TBC1D16: variants seen among roughly 807,000 people sequenced by gnomAD.
TBC1D16 encodes TBC1 domain family member 16, also known as CTD-2529O21.1.
Under a neutral mutation model 74.7 loss-of-function variants are expected in TBC1D16, and 58 were observed. The observed-to-expected ratio is 0.78, with a 90% confidence interval of 0.63 to 0.97. The LOEUF (loss-of-function observed/expected upper bound fraction) is 0.97, where lower values mean the gene tolerates loss of function less well. Among genes scored for constraint, TBC1D16 ranks in the 50% least tolerant of loss-of-function variants. TBC1D16 has a pLI of 0.00. For missense variants in TBC1D16, 1,014 were observed against 1,079.5 expected (o/e 0.94, Z 0.85); for synonymous variants, 493 against 474.7 (o/e 1.04, Z -0.50).
intron 3 of TBC1D16, among the ~76,000 whole-genome samples, chr17:79,955,298 C>T (rs1332992038): frequency 6.6e-6 from 1 of 152,084 alleles, no homozygotes; most frequent in Non-Finnish European, 1.5e-5. Context: ...TCATGGAGGA[C>T]GAGGTCTGGT....
chr17:79,940,908 C>G lies in TBC1D16; in HGVS notation c.2255G>C (p.Gly752Ala), dbSNP rs187446235. Residue 752 changes from glycine (G) to alanine (A), a missense_variant, in exon 12 of 12, where the codon GGC becomes GCC. Transcript: ENST00000310924. The surrounding 1 kb of genome is among the most constrained non-coding windows in gnomAD (Gnocchi z 5.4). ...CTGCGGCGTCTTTGGGCCCTTCTTGCCTTCCCTCAGGGACTTGGGGGAAGG... is the reference window on the plus strand; with the variant it reads ...CTGCGGCGTCTTTGGGCCCTTCTTGGCTTCCCTCAGGGACTTGGGGGAAGG... ...EMPSPKSLRE[G>A]KKGPKTPQDG... 3 of 1,584,306 alleles carry G rather than the reference C, an allele frequency of 1.9e-6. No individual in the cohort carries two copies. In the African/African-American group the frequency reaches 4.0e-5, roughly 21 times the overall value.
At chr17:79,942,419 G>A (rs1044265597) in intron 10 of TBC1D16, among the ~76,000 whole-genome samples, 4 of 151,904 alleles carry the variant, frequency 2.6e-5, no homozygotes, top group African/African-American at 7.3e-5. Flanking sequence ...CCCAGTACCC[G>A]CATGCCCAGG....
At chr17:79,978,624 T>G (rs930681547) in intron 3 of TBC1D16, among the ~76,000 whole-genome samples, 11 of 152,236 alleles carry the variant, frequency 7.2e-5, no homozygotes, top group African/African-American at 2.4e-4. Flanking sequence ...ATCTCACAGC[T>G]GTTACGAGTT....
chr17:79,977,408 C>T (rs2034376191), intron 3 of TBC1D16, among the ~76,000 whole-genome samples: 1 of 152,250 alleles, frequency 6.6e-6, no homozygotes, highest in Admixed American at 6.5e-5. Flanking sequence ...TTCCCTGACG[C>T]CTCATCCCTC....
intron 3 of TBC1D16, among the ~76,000 whole-genome samples, chr17:79,984,718 A>T (rs1007641385): frequency 6.8e-6 from 1 of 148,060 alleles, no homozygotes; most frequent in Non-Finnish European, 1.5e-5. Context: ...AAAAAAAAAA[A>T]CAGTTAAAAA....
At chr17:79,972,176 C>A (rs924629891) in intron 3 of TBC1D16, among the ~76,000 whole-genome samples, 1 of 151,382 alleles carries the variant, frequency 6.6e-6, no homozygotes, top group Non-Finnish European at 1.5e-5. Flanking sequence ...GAAGGAAATT[C>A]TTTTTTTTTC....
chr17:79,945,114 T>C, intron 9 of TBC1D16, 27 bp from the exon 10 acceptor site: 1 of 1,551,470 alleles, frequency 6.4e-7, no homozygotes, highest in South Asian at 1.2e-5. Context: ...CACGCGTTAG[T>C]TAGCTCCGGT....
In TBC1D16 at chr17:79,985,605, G is replaced by A. The variant is rs1377692908; in HGVS notation, c.779+24555C>T. Among the ~76,000 whole-genome samples the A allele has an allele frequency of 2.0e-5, 3 of 152,348 alleles. No homozygotes were observed. In the East Asian group the frequency reaches 5.8e-4, roughly 29 times the overall value. On this transcript the variant is annotated intron_variant, in intron 3 of 11. Coordinates refer to ENST00000310924, the MANE Select transcript of TBC1D16 (RefSeq NM_019020.4). This position sits in a 1 kb window ranked among gnomAD's most constrained non-coding sequence, Gnocchi z 4.9. ...GGGCATCCCAGGCCCTGAGACTGGT[G>A]CTGGGTCCAAGGGTCCCCATCCGGT...
chr17:80,034,222 C>G (rs1360774888), intron 1 of TBC1D16, among the ~76,000 whole-genome samples: 1 of 3,322 alleles, frequency 3.0e-4, no homozygotes, highest in Non-Finnish European at 9.2e-4. Flanking sequence ...TTTTTTGAGA[C>G]ATAGAATGTT....
chr17:79,985,768 C>T lies in TBC1D16; in HGVS notation c.779+24392G>A, dbSNP rs2034812242. ...GCGCACACTCCCCCCTCGGCTGGGT[C>T]CTCGGGGATGCCCAGCTGTCCTAGA... On this transcript the variant is annotated intron_variant, in intron 3 of 11. Transcript: ENST00000310924. The surrounding 1 kb of genome is among the most constrained non-coding windows in gnomAD (Gnocchi z 4.9). Among the ~76,000 whole-genome samples, 1 of 152,214 alleles carries T rather than the reference C, an allele frequency of 6.6e-6. No homozygotes were observed. Among genetic ancestry groups the T allele is most frequent in the South Asian group, 2.1e-4 (1 of 4,836 alleles).
rs773342932 is a variant in TBC1D16 at position 79,952,798 on chromosome 17, G to C, written c.800C>G (p.Ala267Gly). Reference sequence around the variant, plus strand: ...GTTGCTGTCCGGGAACCGCAGGCCGGCGTCGGAGCTGGACGGGGGGCTGGT... The same window carrying C: ...GTTGCTGTCCGGGAACCGCAGGCCGCCGTCGGAGCTGGACGGGGGGCTGGT... Reference protein sequence around the residue: ...SDSSPPSSSDAGLRFPDSNGL... With the variant: ...SDSSPPSSSDGGLRFPDSNGL... The change falls in exon 4 of 12, where the codon GCC becomes GGC. Residue 267 changes from alanine to glycine, a missense_variant. Transcript: ENST00000310924. 5.0e-6 allele frequency: 8 copies of C among 1,610,456 alleles called. No individual in the cohort carries two copies. In the South Asian group the frequency reaches 8.8e-5, roughly 18 times the overall value.
chr17:79,985,329 C>A lies in TBC1D16; in HGVS notation c.779+24831G>T, dbSNP rs1268326991. ...CTTCCCTTGATCCCATCAGCAAAGA[C>A]CCTATTTCCAAATAAAGTCACATTC... is the stretch of plus-strand genomic sequence containing the variant. On this transcript the variant is annotated intron_variant, in intron 3 of 11. Coordinates refer to ENST00000310924, the MANE Select transcript of TBC1D16 (RefSeq NM_019020.4). This position sits in a 1 kb window ranked among gnomAD's most constrained non-coding sequence, Gnocchi z 4.9. 2.0e-5 allele frequency among the ~76,000 whole-genome samples: 3 copies of A among 152,218 alleles called. No individual in the cohort carries two copies. Among genetic ancestry groups the A allele is most frequent in the South Asian group, 4.1e-4 (2 of 4,836 alleles).
intron 7 of TBC1D16, among the ~76,000 whole-genome samples, chr17:79,949,359 C>G (rs964904560): frequency 7.9e-5 from 12 of 152,202 alleles, no homozygotes; most frequent in African/African-American, 2.7e-4. Context: ...TGAGCCCAGT[C>G]CCGGGTTAGC....
chr17:80,011,169 T>G (rs1438298044), intron 2 of TBC1D16, among the ~76,000 whole-genome samples: 2 of 151,254 alleles, frequency 1.3e-5, no homozygotes, highest in Non-Finnish European at 2.9e-5. Context: ...AGCTCCCGAG[T>G]AGCTGGGACT....
chr17:79,955,494 C>T (rs529865907), intron 3 of TBC1D16, among the ~76,000 whole-genome samples: 3 of 152,110 alleles, frequency 2.0e-5, no homozygotes, highest in East Asian at 1.9e-4. Context: ...ACAGGGAAAA[C>T]GAAATATGTA....
rs1371046602 is a variant in TBC1D16, at chr17:80,035,487, C to T, written c.-63+308G>A. Among the ~76,000 whole-genome samples the T allele has an allele frequency of 6.6e-6, 1 of 152,044 alleles. No individual in the cohort carries two copies. Among genetic ancestry groups the T allele is most frequent in the African/African-American group, 2.4e-5 (1 of 41,454 alleles). The stretch of plus-strand genomic sequence containing the variant: ...AAGTTCCCCGGTCCACCGCTCCAGA[C>T]AGGCGGGGACCAGTCTCCCCGAATT... On this transcript the variant is annotated intron_variant, in intron 1 of 11. Coordinates refer to ENST00000310924, the MANE Select transcript of TBC1D16 (RefSeq NM_019020.4). The surrounding 1 kb of genome is among the most constrained non-coding windows in gnomAD (Gnocchi z 5.3).
Position 79,975,303 on chromosome 17 carries a change from G to A in TBC1D16, c.780-22485C>T, listed in dbSNP as rs574173553. ...GATCTCCTGTAATCTACCTGGATTG[G>A]AACGCCCAGCTTTGTACAGCCTGAG... On this transcript the variant is annotated intron_variant, in intron 3 of 11. Coordinates refer to ENST00000310924, the MANE Select transcript of TBC1D16 (RefSeq NM_019020.4). The surrounding 1 kb of genome is among the most constrained non-coding windows in gnomAD (Gnocchi z 4.5). Among the ~76,000 whole-genome samples the A allele has an allele frequency of 6.6e-6, 1 of 152,342 alleles. No homozygotes were observed. Among genetic ancestry groups the A allele is most frequent in the South Asian group, 2.1e-4 (1 of 4,828 alleles).
rs2031635212 is a variant in TBC1D16 at position 79,936,901 on chromosome 17, T to C, written c.*3958A>G. ...GTGTGTGTGTGCATGCGTGCGTGTGTGCATGTGCGTGTGTGTGTGTGTGTG... is the reference window on the plus strand; with the variant it reads ...GTGTGTGTGTGCATGCGTGCGTGTGCGCATGTGCGTGTGTGTGTGTGTGTG... On this transcript the variant is annotated 3_prime_UTR_variant, in exon 12 of 12. Transcript: ENST00000310924. 1 of 114,914 alleles carries C rather than the reference T, an allele frequency of 8.7e-6. No individual in the cohort carries two copies. Among genetic ancestry groups the C allele is most frequent in the Non-Finnish European group, 1.8e-5 (1 of 55,146 alleles). 7.1% of individuals were successfully genotyped at this position (114,914 alleles called of 1,614,324 possible).
Position 79,944,842 on chromosome 17 carries a change from G to C in TBC1D16, c.1908+66C>G. ...GCGAGGCGGACAGGGGCAGCAGGCA[G>C]GGTGGCCACGGTGGTTCAGGGGCCA... On this transcript the variant is annotated intron_variant, in intron 10 of 11. Transcript: ENST00000310924. This position sits in a 1 kb window ranked among gnomAD's most constrained non-coding sequence, Gnocchi z 7.7. The C allele has an allele frequency of 7.2e-7, 1 of 1,397,630 alleles. No individual in the cohort carries two copies. Among genetic ancestry groups the C allele is most frequent in the Non-Finnish European group, 9.6e-7 (1 of 1,044,246 alleles). The allele number at this position is 1,397,630 out of a possible 1,614,324, so 86.6% of individuals were successfully genotyped here. A position where few individuals can be genotyped will look rare whatever the true frequency, so the allele number is the denominator to read the frequency against.
Sources: allele counts gnomAD v4.1 joint callset (sites outside exome capture counted in the v4.1 genomes callset), GRCh38; gene constraint gnomAD v4.1.1; non-coding constraint Gnocchi (gnomAD v3.1); transcripts MANE v1.5; gene names NCBI Gene and HGNC (gene_info 2026-07-23, HGNC 2026-07-21).